Variants in CHI3L2 observed in about 807,000 individuals in gnomAD.
CHI3L2 encodes the protein chitinase 3 like 2, also known as chitinase-3-like protein 2.
CHI3L2 carries 47 observed loss-of-function variants against 47.3 expected under a neutral mutation model. The ratio of observed to expected loss-of-function variants is 0.99; its 90% CI spans 0.79 to 1.27. CHI3L2 has a LOEUF of 1.27. Ranked by LOEUF, CHI3L2 falls within the 50% of genes most tolerant of loss-of-function variation. CHI3L2 has a pLI of 0.00. For missense variants in CHI3L2, 497 were observed against 462.1 expected, an observed-to-expected ratio of 1.08 and a Z score of -0.69; for synonymous variants, 198 against 169.9, an observed-to-expected ratio of 1.17 and a Z score of -1.28.
rs76388937 is a variant in CHI3L2 at position 111,243,357 on chromosome 1, T to C, written c.*143T>C. 3,978 of 412,334 alleles carry C rather than the reference T, an allele frequency of 9.6e-3. 119 individuals are homozygous for C. Among genetic ancestry groups the C allele is most frequent in the African/African-American group, 0.074 (3,571 of 48,284 alleles). 25.5% of individuals were successfully genotyped at this position (412,334 alleles called of 1,614,324 possible). ...CCTTTCCTGACTTCCTCTTAGATCA[T>C]AGATTGGACCTGGTTTTGTTTTCCT... On this transcript the variant is annotated 3_prime_UTR_variant, in exon 11 of 11. Transcript: ENST00000369748.
In CHI3L2 at chr1:111,240,219, T is replaced by C. The variant is rs1379673588; in HGVS notation, c.919-1108T>C. 2.0e-5 allele frequency among the ~76,000 whole-genome samples: 3 copies of C among 152,200 alleles called. No individual in the cohort carries two copies. The East Asian group carries it at 5.8e-4, about 29-fold the overall frequency. On this transcript the variant is annotated intron_variant, in intron 8 of 10. Coordinates refer to ENST00000369748, the MANE Select transcript of CHI3L2 (RefSeq NM_004000.3). ...TGAGTGTGAACATGCCATCGGCCCA[T>C]GCTGAATGACTTGGCACCCACCAAG...
rs1202247154 is a variant in CHI3L2, at chr1:111,233,777, A to AAATC, written c.330-1129_330-1126dup. 2.6e-5 allele frequency among the ~76,000 whole-genome samples: 4 copies of AAATC among 151,994 alleles called. No individual in the cohort carries two copies. The East Asian group carries it at 7.8e-4, about 29-fold the overall frequency. On this transcript the variant is annotated intron_variant, in intron 4 of 10. Coordinates refer to ENST00000369748, the MANE Select transcript of CHI3L2 (RefSeq NM_004000.3). ...GGGGAAAGGTGGGGAAAAGATTGAG[A>AAATC]AATCGGATGGTTGCCGTGTCTGTGT...
chr1:111,228,766 C>T (rs1379174732), intron 1 of CHI3L2, among the ~76,000 whole-genome samples: 1 of 152,170 alleles, frequency 6.6e-6, no homozygotes, highest in Admixed American at 6.5e-5. Context: ...CTTTTGGACC[C>T]GTAAAGGTTT....
chr1:111,236,068 C>T lies in CHI3L2; in HGVS notation c.650C>T (p.Ser217Phe), dbSNP rs1659878170. Residue 217 changes from serine to phenylalanine, a missense_variant, in exon 7 of 11, where the codon TCT becomes TTT. By Grantham distance (155) the Ser-to-Phe change is radical (BLOSUM62 -2). Transcript: ENST00000369748. ...INLLSFDFHG[S>F]WEKPLITGHN... ...CTCCTGTCCTTTGACTTCCATGGGTCTTGGGAAAAGCCCCTTATCACTGGC... is the reference window on the plus strand; with the variant it reads ...CTCCTGTCCTTTGACTTCCATGGGTTTTGGGAAAAGCCCCTTATCACTGGC... 6.2e-7 allele frequency: 1 copy of T among 1,614,196 alleles called. No homozygotes were observed. The highest frequency in any genetic ancestry group is 2.2e-5 in the East Asian group (1 of 44,888).
rs1156654082 is a variant in CHI3L2 at position 111,242,263 on chromosome 1, A to C, written c.1072A>C (p.Met358Leu). 6.8e-6 allele frequency: 11 copies of C among 1,614,156 alleles called. No homozygotes were observed. The highest frequency in any genetic ancestry group is 6.8e-6 in the Non-Finnish European group (8 of 1,180,004). The change falls in exon 10 of 11, where the codon ATG becomes CTG. Residue 358 changes from methionine (M) to leucine (L), a missense_variant. Transcript: ENST00000369748. ...AAAGAATTTAAACCTGGGAGGAGCC[A>C]TGATCTGGTCTATTGACATGGATGA... ...FLKNLNLGGA[M>L]IWSIDMDDFT... is the part of the protein sequence containing the mutation.
upstream of CHI3L2, chr1:111,227,694 A>G (rs1451600126): frequency 1.2e-6 from 2 of 1,610,634 alleles, no homozygotes; most frequent in Non-Finnish European, 1.7e-6. Context: ...TAAAAGACCT[A>G]GAGAATGTGT....
chr1:111,238,874 C>A lies in CHI3L2; in HGVS notation c.860C>A (p.Ser287Tyr), dbSNP rs1209086074. ...GAAACCACCGTGGGGGCCCCTGCCT[C>A]TGGCCCTGGAGCTGCTGGACCCATC... ...SAETTVGAPA[S>Y]GPGAAGPITE... Residue 287 changes from serine (S) to tyrosine (Y), a missense_variant, in exon 8 of 11, where the codon TCT becomes TAT. Physicochemically the swap from Ser to Tyr is moderately radical, Grantham distance 144 (BLOSUM62 -2). Transcript: ENST00000369748. The A allele has an allele frequency of 6.2e-7, 1 of 1,613,596 alleles. No homozygotes were observed. Among genetic ancestry groups the A allele is most frequent in the Non-Finnish European group, 8.5e-7 (1 of 1,179,764 alleles).
chr1:111,229,799 C>G (rs1394117362), intron 1 of CHI3L2, 53 bp from the exon 2 acceptor site: 1 of 1,608,848 alleles, frequency 6.2e-7, no homozygotes, highest in African/African-American at 1.3e-5. Context: ...TTATCTGGGA[C>G]AGCAGAACCA....
chr1:111,241,241 C>G, intron 8 of CHI3L2, 86 bp from the exon 9 acceptor site: 2 of 789,516 alleles, frequency 2.5e-6, no homozygotes, highest in Non-Finnish European at 4.7e-6. Context: ...TCCCCAAGTC[C>G]CTAGTGGCTC....
chr1:111,238,595 A>G (rs983186866), intron 7 of CHI3L2, among the ~76,000 whole-genome samples, 155 bp from the exon 8 acceptor site: 2 of 152,270 alleles, frequency 1.3e-5, no homozygotes, highest in Non-Finnish European at 2.9e-5. Flanking sequence ...GTGCATTACA[A>G]CAAGCACTCT....
intron 4 of CHI3L2, among the ~76,000 whole-genome samples, chr1:111,233,905 C>T (rs908924756): frequency 2.0e-4 from 31 of 152,140 alleles, no homozygotes; most frequent in Non-Finnish European, 3.4e-4. Context: ...CAACCCTGTG[C>T]TCTCTGAAAC....
At chr1:111,228,685 C>T (rs1233153772) in intron 1 of CHI3L2, among the ~76,000 whole-genome samples, 1 of 152,232 alleles carries the variant, frequency 6.6e-6, no homozygotes. Flanking sequence ...CTAAGCTCTG[C>T]AGGGGAGGAA....
intron 1 of CHI3L2, among the ~76,000 whole-genome samples, chr1:111,228,425 C>T (rs1659592011): frequency 1.3e-5 from 2 of 152,336 alleles, no homozygotes; most frequent in South Asian, 4.1e-4. Context: ...ATGAAGCCCC[C>T]ACTTGGCAAG....
At chr1:111,232,482 G>A (rs1337767626) in intron 4 of CHI3L2, among the ~76,000 whole-genome samples, 1 of 152,176 alleles carries the variant, frequency 6.6e-6, no homozygotes, top group African/African-American at 2.4e-5. Context: ...TGCAAGCTAT[G>A]TGACTTTTGT....
chr1:111,230,721 G>A, intron 2 of CHI3L2, 21 bp from the exon 3 acceptor site: 1 of 1,605,004 alleles, frequency 6.2e-7, no homozygotes, highest in Non-Finnish European at 8.5e-7. Flanking sequence ...AGTCTCACTG[G>A]CTCTCTTCAC....
At chr1:111,238,607 G>T (rs981095564) in intron 7 of CHI3L2, 143 bp from the exon 8 acceptor site, 1 of 747,000 alleles carries the variant, frequency 1.3e-6, no homozygotes, top group African/African-American at 1.8e-5. Context: ...AAGCACTCTG[G>T]TCCGGGGGGT....
chr1:111,233,765 G>GA (rs1177280196), intron 4 of CHI3L2, among the ~76,000 whole-genome samples: 2 of 151,932 alleles, frequency 1.3e-5, no homozygotes, highest in African/African-American at 4.8e-5. Context: ...GAAAGGTGGG[G>GA]AAAAGATTGA....
intron 2 of CHI3L2, 117 bp from the exon 3 acceptor site, chr1:111,230,625 G>A (rs1659686879): frequency 1.2e-6 from 1 of 819,434 alleles, no homozygotes; most frequent in East Asian, 2.6e-5. Context: ...ATGACCCTCA[G>A]AGGCTCTGGC....
upstream of CHI3L2, chr1:111,227,674 C>A (rs748153162): frequency 1.1e-5 from 17 of 1,569,908 alleles, no homozygotes; most frequent in Non-Finnish European, 1.4e-5. Context: ...GCTGTCGAAA[C>A]CTCAGTGGAT....
Sources: gnomAD v4.1 joint callset for allele counts (sites outside exome capture counted in the v4.1 genomes callset) on GRCh38, gnomAD v4.1.1 for gene constraint, MANE v1.5 for transcripts, NCBI Gene and HGNC (gene_info 2026-07-23, HGNC 2026-07-21) for gene names.